TMEM63C: variants seen among roughly 807,000 people sequenced by gnomAD.
TMEM63C encodes osmosensitive cation channel TMEM63C.
In TMEM63C, 32 loss-of-function variants were observed where a neutral mutation model predicts 99.2. That is an observed-to-expected ratio of 0.32 (90% confidence interval 0.24 to 0.43). The LOEUF is 0.43. Among genes scored for constraint, TMEM63C ranks in the 20% least tolerant of loss-of-function variants. TMEM63C has a pLI of 1.00. For synonymous variants in TMEM63C, 376 were observed against 397.9 expected, an observed-to-expected ratio of 0.94 and a Z score of 0.66; for missense variants, 826 against 1,053.0, an observed-to-expected ratio of 0.78 and a Z score of 2.98.
At chr14:77,211,377 G>A (rs1489856029) in intron 1 of TMEM63C, among the ~76,000 whole-genome samples, 1 of 152,186 alleles carries the variant, frequency 6.6e-6, no homozygotes, top group Non-Finnish European at 1.5e-5. Context: ...TTTAGGGATG[G>A]TTCTCATACC....
intron 5 of TMEM63C, among the ~76,000 whole-genome samples, chr14:77,222,486 C>A (rs1888743133): frequency 6.6e-6 from 1 of 152,226 alleles, no homozygotes; most frequent in Admixed American, 6.5e-5. Flanking sequence ...CAGAGAGATT[C>A]CCCTGCCTGG....
At chr14:77,187,576 G>A (rs1888024430) in intron 1 of TMEM63C, among the ~76,000 whole-genome samples, 1 of 152,228 alleles carries the variant, frequency 6.6e-6, no homozygotes, top group East Asian at 1.9e-4. Context: ...GCACGGAGCA[G>A]CCAGGGAGGA....
chr14:77,251,917 C>T lies in TMEM63C; in HGVS notation c.2148+19C>T, dbSNP rs1261825250. On this transcript the variant is annotated intron_variant, in intron 22 of 23. Coordinates refer to ENST00000298351, the MANE Select transcript of TMEM63C (RefSeq NM_020431.4). Reference sequence around the variant, plus strand: ...CTACGAGGTGAGTTGCCAGCCTGCCCCTCCTCCTGGTTCTCTTGGTCCCTG... The same window carrying T: ...CTACGAGGTGAGTTGCCAGCCTGCCTCTCCTCCTGGTTCTCTTGGTCCCTG... 1.3e-6 allele frequency: 2 copies of T among 1,584,538 alleles called. No individual in the cohort carries two copies. Among genetic ancestry groups the T allele is most frequent in the Admixed American group, 3.3e-5 (2 of 59,996 alleles).
chr14:77,227,669 C>A (rs74061148), intron 6 of TMEM63C, among the ~76,000 whole-genome samples: 3 of 152,194 alleles, frequency 2.0e-5, no homozygotes, highest in Non-Finnish European at 4.4e-5. Flanking sequence ...CTGGGCTGGA[C>A]TCAGTGAAGC....
At chr14:77,243,229 G>C (rs188808030) in intron 15 of TMEM63C, among the ~76,000 whole-genome samples, 173 bp downstream of exon 15, 3 of 152,170 alleles carry the variant, frequency 2.0e-5, no homozygotes, top group Non-Finnish European at 4.4e-5. Flanking sequence ...TTGTTCTAAA[G>C]GGATGAAGGT....
At chr14:77,231,354 C>A (rs1477269806) in intron 6 of TMEM63C, among the ~76,000 whole-genome samples, 1 of 152,106 alleles carries the variant, frequency 6.6e-6, no homozygotes, top group African/African-American at 2.4e-5. Flanking sequence ...TGTAACAGAG[C>A]CCCTATCTTT....
chr14:77,248,619 A>T (rs1006770991), intron 19 of TMEM63C, 110 bp downstream of exon 19: 5 of 1,511,944 alleles, frequency 3.3e-6, no homozygotes, highest in Non-Finnish European at 4.5e-6. Context: ...GACGGTGTGG[A>T]TGGGTGTTGG....
chr14:77,239,134 A>G (rs371442370), intron 10 of TMEM63C, among the ~76,000 whole-genome samples: 1 of 152,226 alleles, frequency 6.6e-6, no homozygotes, highest in Non-Finnish European at 1.5e-5. Flanking sequence ...TCACTGAGCT[A>G]ATTATCTCTT....
At chr14:77,246,699 G>A in intron 18 of TMEM63C, 25 bp downstream of exon 18, 1 of 1,597,568 alleles carries the variant, frequency 6.3e-7, no homozygotes, top group Admixed American at 1.7e-5. Flanking sequence ...GTGTCCACCA[G>A]GGCTGCTGTG....
At chr14:77,221,737 C>G (rs1441220939) in intron 5 of TMEM63C, among the ~76,000 whole-genome samples, 3 of 148,560 alleles carry the variant, frequency 2.0e-5, no homozygotes, top group Non-Finnish European at 4.4e-5. Context: ...CCGTCCCTCA[C>G]TCCACCCAGA....
Position 77,240,542 on chromosome 14 carries a change from A to G in TMEM63C, c.998A>G (p.Asn333Ser). The G allele has an allele frequency of 6.2e-7, 1 of 1,612,064 alleles. No individual in the cohort carries two copies. Among genetic ancestry groups the G allele is most frequent in the Non-Finnish European group, 8.5e-7 (1 of 1,179,848 alleles). ...QLTDEFNAEL[N>S]RVPLKRLDLI... Reference sequence around the variant, plus strand: ...ACGGACGAGTTCAACGCCGAGCTCAACCGCGTGCCGCTCAAGCGGCTGGAC... The same window carrying G: ...ACGGACGAGTTCAACGCCGAGCTCAGCCGCGTGCCGCTCAAGCGGCTGGAC... Residue 333 changes from asparagine to serine, a missense_variant, in exon 13 of 24, where the codon AAC becomes AGC. Physicochemically the swap from Asn to Ser is conservative, Grantham distance 46 (BLOSUM62 1). Coordinates refer to ENST00000298351, the MANE Select transcript of TMEM63C (RefSeq NM_020431.4).
At chr14:77,222,539 G>T (rs937880752) in intron 5 of TMEM63C, among the ~76,000 whole-genome samples, 1 of 152,152 alleles carries the variant, frequency 6.6e-6, no homozygotes. Context: ...TCTTCCTAGG[G>T]CCTGTGGAAT....
chr14:77,192,483 T>C (rs925429322), intron 1 of TMEM63C, among the ~76,000 whole-genome samples: 1 of 152,150 alleles, frequency 6.6e-6, no homozygotes, highest in Non-Finnish European at 1.5e-5. Context: ...GAGCAGGAAA[T>C]GGATTATTCA....
intron 1 of TMEM63C, among the ~76,000 whole-genome samples, chr14:77,185,633 G>C (rs1887982253): frequency 6.6e-6 from 1 of 152,162 alleles, no homozygotes; most frequent in African/African-American, 2.4e-5. Flanking sequence ...GCAGTGATTT[G>C]GCCATAGGGT....
chr14:77,204,639 T>C (rs1222423605), intron 1 of TMEM63C, among the ~76,000 whole-genome samples: 1 of 151,626 alleles, frequency 6.6e-6, no homozygotes, highest in African/African-American at 2.4e-5. Flanking sequence ...GTGTGGGGAG[T>C]CAGCCGTCTG....
At chr14:77,219,441 C>G in intron 3 of TMEM63C, 57 bp from the exon 4 acceptor site, 3 of 1,587,018 alleles carry the variant, frequency 1.9e-6, no homozygotes, top group Non-Finnish European at 2.6e-6. Context: ...AGGGGGCCAG[C>G]CAAGGGGAAG....
chr14:77,250,430 C>CTTT (rs796757847), intron 21 of TMEM63C, among the ~76,000 whole-genome samples: 2 of 140,896 alleles, frequency 1.4e-5, no homozygotes, highest in African/African-American at 2.6e-5. Flanking sequence ...TGTTTTCTTT[C>CTTT]TTTTTTTTTT....
chr14:77,189,617 C>T (rs750996662), intron 1 of TMEM63C, among the ~76,000 whole-genome samples: 13 of 152,138 alleles, frequency 8.5e-5, no homozygotes, highest in Admixed American at 2.6e-4. Flanking sequence ...GCAAAAATGA[C>T]GGAATGTTTA....
At position 77,256,967 on chromosome 14, in the gene TMEM63C, G is replaced by A; in HGVS notation, c.*241G>A. 2 of 530,846 alleles carry A rather than the reference G, an allele frequency of 3.8e-6. No individual in the cohort carries two copies. The highest frequency in any genetic ancestry group is 3.1e-5 in the East Asian group (1 of 32,034). 32.9% of individuals were successfully genotyped at this position (530,846 alleles called of 1,614,324 possible). A position where few individuals can be genotyped will look rare whatever the true frequency, so the allele number is the denominator to read the frequency against. On this transcript the variant is annotated 3_prime_UTR_variant, in exon 24 of 24. Coordinates refer to ENST00000298351, the MANE Select transcript of TMEM63C (RefSeq NM_020431.4). ...GGAAGGGATGGGAGGATACAGGCAA[G>A]CACATGTCTTGAGAGAGGTGGCTGG...
Sources: gnomAD v4.1 joint callset for allele counts (sites outside exome capture counted in the v4.1 genomes callset) on GRCh38, gnomAD v4.1.1 for gene constraint, MANE v1.5 for transcripts, NCBI Gene and HGNC (gene_info 2026-07-23, HGNC 2026-07-21) for gene names.